ADARB2: variants seen among roughly 807,000 people sequenced by gnomAD.
The protein encoded by ADARB2 is inactive double-stranded RNA-specific editase B2.
Under a neutral mutation model 62.2 loss-of-function variants are expected in ADARB2, and 25 were observed. That is an observed-to-expected ratio of 0.40 (90% CI 0.29 to 0.56). The LOEUF (loss-of-function observed/expected upper bound fraction) is 0.56, where lower values mean the gene tolerates loss of function less well. ADARB2 is among the 20% of genes least tolerant of loss of function. The pLI, the probability that ADARB2 is intolerant of heterozygous loss-of-function variation, is 0.43. For synonymous variants in ADARB2, 572 were observed against 500.8 expected (o/e 1.14, Z -1.90); for missense variants, 1,071 against 1,077.4 (o/e 0.99, Z 0.08).
chr10:1,376,275 G>A (rs1832428893), intron 2 of ADARB2, among the ~76,000 whole-genome samples: 1 of 152,206 alleles, frequency 6.6e-6, no homozygotes, highest in African/African-American at 2.4e-5. Flanking sequence ...CTAGTACATT[G>A]GTTGAAAATG....
chr10:1,673,848 G>A (rs1214472163), intron 1 of ADARB2, among the ~76,000 whole-genome samples: 2 of 152,230 alleles, frequency 1.3e-5, no homozygotes, highest in African/African-American at 4.8e-5. Context: ...AGCCACTTCC[G>A]GGATGGGATC....
chr10:1,692,114 A>C (rs1834681243), intron 1 of ADARB2, among the ~76,000 whole-genome samples: 1 of 152,204 alleles, frequency 6.6e-6, no homozygotes, highest in Admixed American at 6.5e-5. Context: ...TCAGTAGTAA[A>C]ACTGCAGTGA....
At chr10:1,620,287 A>G (rs1457404930) in intron 1 of ADARB2, among the ~76,000 whole-genome samples, 3 of 152,204 alleles carry the variant, frequency 2.0e-5, no homozygotes, top group African/African-American at 7.2e-5. Context: ...GAAAATTAGA[A>G]ATGAAAGAAG....
At chr10:1,605,176 C>T (rs971499874) in intron 1 of ADARB2, among the ~76,000 whole-genome samples, 2 of 152,148 alleles carry the variant, frequency 1.3e-5, no homozygotes, top group Non-Finnish European at 2.9e-5. Context: ...CAGGTGAGTC[C>T]TCCCTTCCTT....
At chr10:1,723,463 G>A (rs891410990) in intron 1 of ADARB2, among the ~76,000 whole-genome samples, 2 of 152,198 alleles carry the variant, frequency 1.3e-5, no homozygotes, top group Non-Finnish European at 2.9e-5. Flanking sequence ...TTCTTCGGTA[G>A]CCACTTGCAT....
chr10:1,303,262 G>A (rs1190136828), intron 3 of ADARB2, among the ~76,000 whole-genome samples: 8 of 152,066 alleles, frequency 5.3e-5, no homozygotes, highest in Non-Finnish European at 2.9e-5. Flanking sequence ...GCGATCAACT[G>A]GAAGAAAGGG....
At chr10:1,414,767 T>A (rs945225384) in intron 1 of ADARB2, among the ~76,000 whole-genome samples, 1 of 152,156 alleles carries the variant, frequency 6.6e-6, no homozygotes, top group African/African-American at 2.4e-5. Context: ...TCCACTGGAC[T>A]TTGTCACCCC....
chr10:1,605,065 A>T (rs10903508), intron 1 of ADARB2, among the ~76,000 whole-genome samples: 1 of 152,220 alleles, frequency 6.6e-6, no homozygotes, highest in African/African-American at 2.4e-5. Flanking sequence ...AGTAATAAAT[A>T]GTATATTCAA....
At chr10:1,449,970 C>T (rs996733728) in intron 1 of ADARB2, among the ~76,000 whole-genome samples, 6 of 152,226 alleles carry the variant, frequency 3.9e-5, no homozygotes, top group East Asian at 1.9e-4. Flanking sequence ...AATTTTGTCT[C>T]GCTGACCCTG....
intron 1 of ADARB2, among the ~76,000 whole-genome samples, chr10:1,576,793 A>G (rs1017440246): frequency 3.9e-5 from 6 of 152,104 alleles, no homozygotes; most frequent in African/African-American, 1.4e-4. Flanking sequence ...TGGCTGCAAA[A>G]CACATTGAAG....
At chr10:1,183,398 C>G (rs1394496782) in intron 9 of ADARB2, 29 bp from the exon 10 acceptor site, 10 of 1,596,428 alleles carry the variant, frequency 6.3e-6, no homozygotes, top group African/African-American at 1.3e-5. Context: ...AAGAGCCAAT[C>G]AGACACCAGC....
intron 1 of ADARB2, among the ~76,000 whole-genome samples, chr10:1,688,900 T>C (rs1033153545): frequency 1.3e-5 from 2 of 152,176 alleles, no homozygotes; most frequent in Non-Finnish European, 2.9e-5. Context: ...AAAGTAGTAA[T>C]GATTACAAAC....
At chr10:1,611,245 G>T (rs564269763) in intron 1 of ADARB2, among the ~76,000 whole-genome samples, 1 of 152,140 alleles carries the variant, frequency 6.6e-6, no homozygotes, top group Non-Finnish European at 1.5e-5. Context: ...TCCAGCGGCC[G>T]ATCTTTCTTC....
At position 1,196,671 on chromosome 10, in the gene ADARB2, T is replaced by C. The variant is rs572026444; in HGVS notation, c.1864+3295A>G. Among the ~76,000 whole-genome samples the C allele has an allele frequency of 5.9e-5, 9 of 152,352 alleles. No homozygotes were observed. The East Asian group carries it at 1.5e-3, about 26-fold the overall frequency. ...GTGCCATCTAATTTGCCTAGAAAGT[T>C]CTGTGCTAATCTATAAAAATGTCTT... On this transcript the variant is annotated intron_variant, in intron 8 of 9. Coordinates refer to ENST00000381312, the MANE Select transcript of ADARB2 (RefSeq NM_018702.4).
chr10:1,712,592 G>A (rs528568996), intron 1 of ADARB2, among the ~76,000 whole-genome samples: 22 of 151,806 alleles, frequency 1.4e-4, no homozygotes, highest in Admixed American at 2.0e-4. Context: ...AGCTCTTCCA[G>A]TTACTGAAAC....
In ADARB2 at chr10:1,192,758, G is replaced by A. The variant is rs1483675044; in HGVS notation, c.1864+7208C>T. 5.9e-5 allele frequency among the ~76,000 whole-genome samples: 9 copies of A among 152,150 alleles called. No individual in the cohort carries two copies. In the South Asian group the frequency reaches 8.3e-4, roughly 14 times the overall value. Reference sequence around the variant, plus strand: ...GAGCCATGACCACCCTGGCTAACACGGTGAAATCCTGTCTCTATTAAAAAT... The same window carrying A: ...GAGCCATGACCACCCTGGCTAACACAGTGAAATCCTGTCTCTATTAAAAAT... On this transcript the variant is annotated intron_variant, in intron 8 of 9. Transcript: ENST00000381312.
At chr10:1,218,081 C>T (rs534776074) in intron 6 of ADARB2, among the ~76,000 whole-genome samples, 5 of 152,240 alleles carry the variant, frequency 3.3e-5, no homozygotes, top group South Asian at 4.1e-4. Context: ...GATGGAGTCT[C>T]GCTCTCTTAC....
At chr10:1,331,366 C>T (rs111640392) in intron 3 of ADARB2, among the ~76,000 whole-genome samples, 3,354 of 152,306 alleles carry the variant, frequency 0.022, 117 homozygotes, top group African/African-American at 0.075. Context: ...TTGGATGGAT[C>T]AGCTGACAAA....
chr10:1,537,248 A>G (rs1290377884), intron 1 of ADARB2, among the ~76,000 whole-genome samples: 1 of 152,262 alleles, frequency 6.6e-6, no homozygotes. Context: ...AATGCAAATC[A>G]AAACCACACT....
Sources: gnomAD v4.1 joint callset for allele counts (sites outside exome capture counted in the v4.1 genomes callset) on GRCh38, gnomAD v4.1.1 for gene constraint, MANE v1.5 for transcripts, NCBI Gene and HGNC (gene_info 2026-07-23, HGNC 2026-07-21) for gene names.